UPF3A: variants seen among roughly 807,000 people sequenced by gnomAD.
The protein encoded by UPF3A is regulator of nonsense transcripts 3A.
In UPF3A, 42 loss-of-function variants were observed where a neutral mutation model predicts 53.5. The observed-to-expected ratio is 0.78, with a 90% CI of 0.61 to 1.01. The LOEUF (loss-of-function observed/expected upper bound fraction) is 1.01. Among genes scored for constraint, UPF3A ranks in the 50% least tolerant of loss-of-function variants. UPF3A has a pLI of 0.00. For synonymous variants in UPF3A, 237 were observed against 225.3 expected (o/e 1.05, Z -0.47); for missense variants, 575 against 598.0 (o/e 0.96, Z 0.40).
intron 3 of UPF3A, among the ~76,000 whole-genome samples, chr13:114,284,752 G>A (rs996445476): frequency 6.6e-5 from 10 of 152,072 alleles, no homozygotes; most frequent in Admixed American, 2.6e-4. Flanking sequence ...CAGTGACTGC[G>A]CCATTTTAGG....
rs897259451 is a variant in UPF3A, at chr13:114,291,864, A to C, written c.846+72A>C. ...AGTAATTACACTTTTTACATATCTT[A>C]GTTCTTTAGAATTTTGAAAACATTC... On this transcript the variant is annotated intron_variant, in intron 7 of 9. Transcript: ENST00000375299. The C allele has an allele frequency of 6.8e-6, 10 of 1,470,410 alleles. No homozygotes were observed. The Admixed American group carries it at 2.1e-4, about 30-fold the overall frequency. The allele number at this position is 1,470,410 out of a possible 1,614,324, so 91.1% of individuals were successfully genotyped here.
intron 5 of UPF3A, among the ~76,000 whole-genome samples, chr13:114,290,734 CTTT>C (rs112441605): frequency 5.8e-5 from 8 of 138,382 alleles, no homozygotes; most frequent in Admixed American, 1.4e-4. Context: ...TCTTTTTTTT[CTTT>C]TTTTTTTTTT....
chr13:114,292,654 A>T (rs2085425261), intron 7 of UPF3A, among the ~76,000 whole-genome samples: 1 of 152,046 alleles, frequency 6.6e-6, no homozygotes, highest in Non-Finnish European at 1.5e-5. Context: ...TTTTCGGCTC[A>T]AGGCGTACAC....
At chr13:114,301,292 TCTA>T (rs963067051) in intron 8 of UPF3A, among the ~76,000 whole-genome samples, 1 of 151,938 alleles carries the variant, frequency 6.6e-6, no homozygotes, top group African/African-American at 2.4e-5. Context: ...AAACCCCGTC[TCTA>T]CTAAAAATAC....
intron 9 of UPF3A, among the ~76,000 whole-genome samples, chr13:114,302,494 A>G (rs1238830688): frequency 6.6e-6 from 1 of 151,866 alleles, no homozygotes; most frequent in Non-Finnish European, 1.5e-5. Context: ...TTCAGGAGCT[A>G]ATTTTTGTTC....
At chr13:114,292,364 G>T (rs1449142031) in intron 7 of UPF3A, among the ~76,000 whole-genome samples, 1 of 150,116 alleles carries the variant, frequency 6.7e-6, no homozygotes, top group Non-Finnish European at 1.5e-5. Flanking sequence ...AGGCGTACAC[G>T]TGCAGGTGTG....
intron 9 of UPF3A, among the ~76,000 whole-genome samples, chr13:114,304,263 G>T (rs1336065191): frequency 1.3e-5 from 2 of 152,356 alleles, no homozygotes; most frequent in Non-Finnish European, 2.9e-5. Flanking sequence ...CCTGGCTGTT[G>T]CCTTCTTCAG....
intron 8 of UPF3A, among the ~76,000 whole-genome samples, chr13:114,299,255 T>C (rs1225279873): frequency 1.3e-5 from 2 of 152,188 alleles, no homozygotes; most frequent in East Asian, 3.8e-4. Flanking sequence ...ATGTCCTCCT[T>C]TTACTCCTGA....
In UPF3A at chr13:114,305,607, A is replaced by G. The variant is rs1465736947; in HGVS notation, c.*690A>G. The G allele has an allele frequency of 6.5e-6, 1 of 153,002 alleles. No individual in the cohort carries two copies. The highest frequency in any genetic ancestry group is 2.4e-5 in the African/African-American group (1 of 41,384). 9.5% of individuals were successfully genotyped at this position (153,002 alleles called of 1,614,324 possible). ...TTAAGAATTTGCCCAAATAACAGAA[A>G]TTTTGTTCGGGAAGGGATAAACTAG... On this transcript the variant is annotated 3_prime_UTR_variant, in exon 10 of 10. Transcript: ENST00000375299.
rs1017034654 is a variant in UPF3A at position 114,281,603 on chromosome 13, C to T, written c.-37C>T. ...CGGCCGAGCTCTCGCGAGGTTTCGT[C>T]GGGGGCTGGCGGCTGCGGCTCGGCG... On this transcript the variant is annotated 5_prime_UTR_variant, in exon 1 of 10. Coordinates refer to ENST00000375299, the MANE Select transcript of UPF3A (RefSeq NM_023011.4). 7.2e-7 allele frequency: 1 copy of T among 1,388,312 alleles called. No individual in the cohort carries two copies. The highest frequency in any genetic ancestry group is 1.6e-5 in the South Asian group (1 of 64,018). 86.0% of individuals were successfully genotyped at this position (1,388,312 alleles called of 1,614,324 possible). A position where few individuals can be genotyped will look rare whatever the true frequency, so the allele number is the denominator to read the frequency against.
intron 8 of UPF3A, among the ~76,000 whole-genome samples, chr13:114,301,234 G>A (rs1344962241): frequency 2.6e-5 from 4 of 152,012 alleles, no homozygotes; most frequent in Admixed American, 6.6e-5. Context: ...GGCCAAGATG[G>A]GCATATCATA....
At chr13:114,283,153 C>T (rs1055892550) in intron 3 of UPF3A, 4 of 434,800 alleles carry the variant, frequency 9.2e-6, no homozygotes, top group African/African-American at 8.2e-5. Context: ...GTAGCAGGGA[C>T]CACAGGCGTG....
At chr13:114,295,900 A>G (rs1340829604) in intron 7 of UPF3A, among the ~76,000 whole-genome samples, 2 of 152,158 alleles carry the variant, frequency 1.3e-5, no homozygotes, top group East Asian at 3.9e-4. Flanking sequence ...TGAGAGGACT[A>G]GGGGCTGGGG....
intron 5 of UPF3A, among the ~76,000 whole-genome samples, chr13:114,290,085 C>T (rs1168281764): frequency 6.6e-6 from 1 of 152,172 alleles, no homozygotes; most frequent in African/African-American, 2.4e-5. Flanking sequence ...TCACCCTGAG[C>T]CAGAGTTCAT....
chr13:114,295,078 C>G (rs759387822), intron 7 of UPF3A, among the ~76,000 whole-genome samples: 49 of 149,794 alleles, frequency 3.3e-4, no homozygotes, highest in East Asian at 9.7e-4. Context: ...CGCCACTGCA[C>G]TCCAGCCTGG....
chr13:114,296,805 G>A (rs74116884), intron 7 of UPF3A, among the ~76,000 whole-genome samples: 4,261 of 152,158 alleles, frequency 0.028, 206 homozygotes, highest in African/African-American at 0.098. Context: ...GGTGTCGGAG[G>A]GGTGGTATTG....
At chr13:114,304,240 C>G (rs1360951482) in intron 9 of UPF3A, among the ~76,000 whole-genome samples, 1 of 152,244 alleles carries the variant, frequency 6.6e-6, no homozygotes, top group Non-Finnish European at 1.5e-5. Context: ...CCTTCAGGGC[C>G]ACTCTATGCT....
At chr13:114,296,297 C>T (rs769607058) in intron 7 of UPF3A, among the ~76,000 whole-genome samples, 25 of 152,094 alleles carry the variant, frequency 1.6e-4, no homozygotes, top group Non-Finnish European at 3.1e-4. Flanking sequence ...GCAGAAGAAT[C>T]GCTTGAACCC....
chr13:114,284,901 A>G (rs1421263296), intron 3 of UPF3A, among the ~76,000 whole-genome samples: 1 of 152,132 alleles, frequency 6.6e-6, no homozygotes, highest in African/African-American at 2.4e-5. Context: ...GATTCCCCCC[A>G]CATTGGCCTC....
Sources: allele counts gnomAD v4.1 joint callset (sites outside exome capture counted in the v4.1 genomes callset), GRCh38; gene constraint gnomAD v4.1.1; transcripts MANE v1.5; gene names NCBI Gene and HGNC (gene_info 2026-07-23, HGNC 2026-07-21).